The following FRYL variants were observed in gnomAD, a reference collection of about 807,000 sequenced individuals.
FRYL encodes the protein protein furry homolog-like.
FRYL carries 150 observed loss-of-function variants against 351.2 expected under a neutral mutation model. The ratio of observed to expected loss-of-function variants is 0.43; its 90% CI spans 0.37 to 0.49. FRYL has a LOEUF of 0.49. FRYL is among the 20% of genes least tolerant of loss of function. FRYL has a pLI of 0.00. For synonymous variants in FRYL, 1,153 were observed against 1,257.1 expected (o/e 0.92, Z 1.75); for missense variants, 3,036 against 3,619.3 (o/e 0.84, Z 4.13).
chr4:48,585,218 G>A (rs142411540), intron 19 of FRYL, among the ~76,000 whole-genome samples: 206 of 152,232 alleles, frequency 1.4e-3, no homozygotes, highest in African/African-American at 4.6e-3. Context: ...TTCCAATGCT[G>A]GCATGAACTT....
At chr4:48,729,044 C>T (rs28473096) in intron 1 of FRYL, among the ~76,000 whole-genome samples, 40,886 of 152,206 alleles carry the variant, frequency 0.27, 6,275 homozygotes, top group African/African-American at 0.41. Context: ...CCACGGTCTT[C>T]GCAACTGGCA....
At position 48,711,146 on chromosome 4, in the gene FRYL, C is replaced by T. The variant is rs1006200233; in HGVS notation, c.-383-448G>A. On this transcript the variant is annotated intron_variant, in intron 1 of 63. Transcript: ENST00000358350. ...CTCCCAGCGGGAGCGACACAGAAGA[C>T]GGGTGATTTCTGCATTTCCATCTGA... Among the ~76,000 whole-genome samples, 11 of 152,304 alleles carry T rather than the reference C, an allele frequency of 7.2e-5. 3 individuals carry two copies. The highest frequency in any genetic ancestry group is 4.4e-5 in the Non-Finnish European group (3 of 68,016).
chr4:48,590,564 T>C, intron 17 of FRYL, 95 bp downstream of exon 17: 2 of 923,310 alleles, frequency 2.2e-6, no homozygotes, highest in Non-Finnish European at 3.2e-6. Flanking sequence ...AAAACCATAT[T>C]AGGCAAATTT....
chr4:48,573,446 C>T (rs766654047), intron 25 of FRYL, among the ~76,000 whole-genome samples: 13 of 152,044 alleles, frequency 8.6e-5, no homozygotes, highest in Non-Finnish European at 1.0e-4. Context: ...ATGGTATAGG[C>T]CTCTTATTTT....
intron 1 of FRYL, among the ~76,000 whole-genome samples, chr4:48,767,915 G>A (rs1300353380): frequency 6.6e-6 from 1 of 152,192 alleles, no homozygotes; most frequent in Non-Finnish European, 1.5e-5. Context: ...TTCCAGCACA[G>A]CCCCAGCGGT....
chr4:48,534,452 C>T (rs1577985512), intron 49 of FRYL, 93 bp downstream of exon 49: 1 of 952,194 alleles, frequency 1.1e-6, no homozygotes, highest in Non-Finnish European at 1.6e-6. Context: ...AACCACTTCC[C>T]CATTCTTCGA....
intron 1 of FRYL, among the ~76,000 whole-genome samples, chr4:48,768,740 T>C (rs1169242384): frequency 6.6e-6 from 1 of 152,062 alleles, no homozygotes; most frequent in Admixed American, 6.6e-5. Context: ...GAGGTGGATG[T>C]TGAGTGCGCC....
Position 48,581,611 on chromosome 4 carries a change from A to G in FRYL, c.1987-6T>C. 1 of 1,575,432 alleles carries G rather than the reference A, an allele frequency of 6.3e-7. No individual in the cohort carries two copies. Among genetic ancestry groups the G allele is most frequent in the East Asian group, 2.3e-5 (1 of 44,302 alleles). On this transcript the variant is annotated splice_polypyrimidine_tract_variant and splice_region_variant and intron_variant, in intron 20 of 63. Transcript: ENST00000358350. Reference sequence around the variant, plus strand: ...GCTCCATTAGCTACACCATGCTTGAAAAACAGAAGTTAAAAACAAAATATA... The same window carrying G: ...GCTCCATTAGCTACACCATGCTTGAGAAACAGAAGTTAAAAACAAAATATA...
chr4:48,528,846 T>C (rs1227954001), intron 50 of FRYL, among the ~76,000 whole-genome samples: 1 of 152,234 alleles, frequency 6.6e-6, no homozygotes, highest in Non-Finnish European at 1.5e-5. Context: ...ACAAATCTGA[T>C]GTGTAATACT....
At chr4:48,575,560 A>C (rs1739421261) in intron 24 of FRYL, among the ~76,000 whole-genome samples, 1 of 152,226 alleles carries the variant, frequency 6.6e-6, no homozygotes. Flanking sequence ...ATGACTTCTA[A>C]AATAGTCATC....
intron 29 of FRYL, 79 bp downstream of exon 29, chr4:48,565,452 T>G: frequency 9.0e-7 from 1 of 1,110,616 alleles, no homozygotes; most frequent in Non-Finnish European, 1.2e-6. Context: ...GATCCTCTTT[T>G]TAATACTAGT....
chr4:48,613,403 G>C (rs1748650471), intron 7 of FRYL, among the ~76,000 whole-genome samples: 1 of 152,118 alleles, frequency 6.6e-6, no homozygotes, highest in Non-Finnish European at 1.5e-5. Flanking sequence ...CATATCCCCT[G>C]AGAATAAAGG....
At position 48,498,223 on chromosome 4, in the gene FRYL, C is replaced by T. The variant is rs930541708; in HGVS notation, c.*1199G>A. The T allele has an allele frequency of 6.6e-6, 1 of 151,996 alleles. No homozygotes were observed. Among genetic ancestry groups the T allele is most frequent in the Admixed American group, 6.6e-5 (1 of 15,258 alleles). The allele number at this position is 151,996 out of a possible 1,614,324, so 9.4% of individuals were successfully genotyped here. On this transcript the variant is annotated 3_prime_UTR_variant, in exon 64 of 64. Transcript: ENST00000358350. ...CAGGCTTCCTTTCATTTCCCCTAGC[C>T]CCAGGTTTCTTTAGGGTAAAGCATG...
chr4:48,660,133 T>C (rs1333820639), intron 3 of FRYL, among the ~76,000 whole-genome samples: 1 of 151,390 alleles, frequency 6.6e-6, no homozygotes, highest in Non-Finnish European at 1.5e-5. Context: ...AATAAAACAA[T>C]GTGGTATGTC....
At chr4:48,561,735 C>T in intron 32 of FRYL, 99 bp from the exon 33 acceptor site, 1 of 916,094 alleles carries the variant, frequency 1.1e-6, no homozygotes, top group Non-Finnish European at 1.6e-6. Context: ...TTCTCCCCAG[C>T]TGAGTGGAGT....
chr4:48,764,269 C>T (rs111226175), intron 1 of FRYL, among the ~76,000 whole-genome samples: 1 of 152,208 alleles, frequency 6.6e-6, no homozygotes, highest in Admixed American at 6.5e-5. Flanking sequence ...TGGCTCACAC[C>T]TGTAATTCAA....
At chr4:48,753,159 A>G (rs10034207) in intron 1 of FRYL, among the ~76,000 whole-genome samples, 149,821 of 152,298 alleles carry the variant, frequency 0.98, 73,727 homozygotes, top group South Asian at 1. Context: ...CTATTGGCAC[A>G]GGATCATGAC....
Position 48,555,852 on chromosome 4 carries a change from G to A in FRYL, c.4266+1126C>T, listed in dbSNP as rs530770847. On this transcript the variant is annotated intron_variant, in intron 35 of 63. Coordinates refer to ENST00000358350, the MANE Select transcript of FRYL (RefSeq NM_015030.2). ...GCTGAGTAAAGCAAAGCTATCAAGT[G>A]GTTTGTTTAAAATAGAATCTGTAGA... 7.9e-5 allele frequency among the ~76,000 whole-genome samples: 12 copies of A among 152,110 alleles called. No homozygotes were observed. In the South Asian group the frequency reaches 2.5e-3, roughly 32 times the overall value.
intron 20 of FRYL, among the ~76,000 whole-genome samples, chr4:48,581,818 T>G (rs1251805762): frequency 6.6e-6 from 1 of 152,202 alleles, no homozygotes; most frequent in Non-Finnish European, 1.5e-5. Context: ...TGTACCTAAC[T>G]TCTACCATTC....
Sources: gnomAD v4.1 joint callset for allele counts (sites outside exome capture counted in the v4.1 genomes callset) on GRCh38, gnomAD v4.1.1 for gene constraint, MANE v1.5 for transcripts, NCBI Gene and HGNC (gene_info 2026-07-23, HGNC 2026-07-21) for gene names.